PGBD1: variants seen among roughly 807,000 people sequenced by gnomAD.
The protein encoded by PGBD1 is piggyBac transposable element derived 1.
PGBD1 carries 25 observed loss-of-function variants against 34.7 expected under a neutral mutation model. The ratio of observed to expected loss-of-function variants is 0.72; its 90% confidence interval spans 0.52 to 1.00. The LOEUF (loss-of-function observed/expected upper bound fraction) is 1.00. PGBD1 is among the 50% of genes least tolerant of loss of function. The pLI, the probability that PGBD1 is intolerant of heterozygous loss-of-function variation, is 0.00. For synonymous variants in PGBD1, 292 were observed against 335.7 expected (o/e 0.87, Z 1.42); for missense variants, 830 against 959.4 (o/e 0.87, Z 1.78).
In PGBD1 at chr6:28,301,673, GTGA is replaced by G; in HGVS notation, c.1823_1825del (p.Met608del). Reference sequence around the variant, plus strand: ...TGATCTTGGGTTAGGTGGAAATCTAGTGATGAACTTCGCTGATGTTCTTTTAGA... The same window carrying G: ...TGATCTTGGGTTAGGTGGAAATCTAGTGAACTTCGCTGATGTTCTTTTAGA... On this transcript the variant is annotated inframe_deletion, in exon 7 of 7. Coordinates refer to ENST00000682144, the MANE Select transcript of PGBD1 (RefSeq NM_032507.4). 6.2e-7 allele frequency: 1 copy of G among 1,614,152 alleles called. No homozygotes were observed. Among genetic ancestry groups the G allele is most frequent in the East Asian group, 2.2e-5 (1 of 44,880 alleles).
In PGBD1 at chr6:28,302,150, A is replaced by G. The variant is rs1234762664; in HGVS notation, c.2296A>G (p.Met766Val). The part of the protein sequence containing the change: ...KKWYSILVSY[M>V]IDVAMNNAWQ... ...ATGGTACTCAATTTTGGTGAGCTAC[A>G]TGATTGATGTAGCCATGAACAATGC... is the stretch of plus-strand genomic sequence containing the variant. Residue 766 changes from methionine (M) to valine (V), a missense_variant, in exon 7 of 7, where the codon ATG (methionine) becomes GTG (valine). Around this residue, in one of 3 missense-constraint regions of PGBD1, gnomAD observed 372 missense variants for 427.9 expected, o/e 0.87. Coordinates refer to ENST00000682144, the MANE Select transcript of PGBD1 (RefSeq NM_032507.4). 6.2e-7 allele frequency: 1 copy of G among 1,614,206 alleles called. No individual in the cohort carries two copies. The highest frequency in any genetic ancestry group is 1.1e-5 in the South Asian group (1 of 91,090).
rs9461449 is a variant in PGBD1, at chr6:28,302,287, T to A, written c.*3T>A. 88,356 of 1,605,182 alleles carry A rather than the reference T, an allele frequency of 0.055. 3,389 individuals are homozygous for A. The highest frequency in any genetic ancestry group is 0.15 in the African/African-American group (10,890 of 74,646). On this transcript the variant is annotated 3_prime_UTR_variant, in exon 7 of 7. Coordinates refer to ENST00000682144, the MANE Select transcript of PGBD1 (RefSeq NM_032507.4). ...ACAATGCTCATCTGTCAGATTAGGGTACATAAAATGGACATAGTGCAGACA... is the reference window on the plus strand; with the variant it reads ...ACAATGCTCATCTGTCAGATTAGGGAACATAAAATGGACATAGTGCAGACA...
chr6:28,296,643 G>A (rs534819295), intron 4 of PGBD1, among the ~76,000 whole-genome samples, 173 bp from the exon 5 acceptor site: 3 of 152,274 alleles, frequency 2.0e-5, no homozygotes, highest in Non-Finnish European at 4.4e-5. Flanking sequence ...GAATGGCATC[G>A]GCTTGAGGTG....
chr6:28,295,705 A>G (rs1450773398), intron 4 of PGBD1, among the ~76,000 whole-genome samples: 1 of 152,266 alleles, frequency 6.6e-6, no homozygotes, highest in Admixed American at 6.5e-5. Flanking sequence ...TTAATAGACT[A>G]CATAGTATAG....
intron 2 of PGBD1, among the ~76,000 whole-genome samples, chr6:28,285,282 A>G (rs1239190737): frequency 6.6e-6 from 1 of 152,098 alleles, no homozygotes; most frequent in South Asian, 2.1e-4. Context: ...AATTTTCTCC[A>G]CTAGAAAGTT....
At chr6:28,282,200 G>A (rs183048917) in intron 1 of PGBD1, among the ~76,000 whole-genome samples, 167 of 152,320 alleles carry the variant, frequency 1.1e-3, no homozygotes, top group African/African-American at 3.8e-3. Context: ...GAAAAAAATT[G>A]AGTACTTAGC....
intron 6 of PGBD1, among the ~76,000 whole-genome samples, chr6:28,298,303 G>C (rs1384776147): frequency 6.6e-6 from 1 of 152,008 alleles, no homozygotes; most frequent in East Asian, 1.9e-4. Context: ...AAGCTAGAAG[G>C]CAGATAATTT....
At chr6:28,284,634 G>A (rs531573190) in intron 2 of PGBD1, among the ~76,000 whole-genome samples, 1 of 152,210 alleles carries the variant, frequency 6.6e-6, no homozygotes, top group South Asian at 2.1e-4. Flanking sequence ...CCCACCTCAG[G>A]CTCCTGAGTA....
At chr6:28,291,550 C>CAAAAAAAAAAAAAAAA (rs56160771) in intron 4 of PGBD1, among the ~76,000 whole-genome samples, 1 of 120,620 alleles carries the variant, frequency 8.3e-6, no homozygotes. Flanking sequence ...TCAAATTCTT[C>CAAAAAAAAAAAAAAAA]AAAAAAAAAA....
chr6:28,284,830 G>A (rs1309251205), intron 2 of PGBD1, among the ~76,000 whole-genome samples: 1 of 152,160 alleles, frequency 6.6e-6, no homozygotes, highest in Non-Finnish European at 1.5e-5. Context: ...TATTCGGTGT[G>A]TATTTCTGAA....
rs573444393 is a variant in PGBD1, at chr6:28,289,437, G to A, written c.642+2269G>A. On this transcript the variant is annotated intron_variant, in intron 4 of 6. Transcript: ENST00000682144. ...GACACATCTTACAAGAAATGCTAAA[G>A]AATTCTTCAGTCTAAAAGGAAAGAA... Among the ~76,000 whole-genome samples the A allele has an allele frequency of 3.9e-5, 6 of 152,322 alleles. No individual in the cohort carries two copies. The East Asian group carries it at 1.2e-3, about 29-fold the overall frequency.
At chr6:28,287,033 A>C in intron 3 of PGBD1, 47 bp from the exon 4 acceptor site, 12 of 1,459,058 alleles carry the variant, frequency 8.2e-6, no homozygotes, top group East Asian at 2.3e-5. Context: ...AGGGTACCCT[A>C]AAGGCCATCA....
rs964756082 is a variant in PGBD1 at position 28,281,615 on chromosome 6, C to T, written c.-342C>T. ...GAGGCGCCGGCAGCGCCCGCCAGAC[C>T]CGCCAGCCCAGCGGCCCGGGCTCTG... is the stretch of plus-strand genomic sequence containing the variant. On this transcript the variant is annotated 5_prime_UTR_variant, in exon 1 of 7. Coordinates refer to ENST00000682144, the MANE Select transcript of PGBD1 (RefSeq NM_032507.4). 1 of 382,814 alleles carries T rather than the reference C, an allele frequency of 2.6e-6. No individual in the cohort carries two copies. Among genetic ancestry groups the T allele is most frequent in the Non-Finnish European group, 4.6e-6 (1 of 216,698 alleles). 23.7% of individuals were successfully genotyped at this position (382,814 alleles called of 1,614,324 possible). A position where few individuals can be genotyped will look rare whatever the true frequency, so the allele number is the denominator to read the frequency against.
At chr6:28,298,177 A>T (rs72854513) in intron 6 of PGBD1, among the ~76,000 whole-genome samples, 186 bp downstream of exon 6, 7,637 of 152,232 alleles carry the variant, frequency 0.05, 310 homozygotes, top group Non-Finnish European at 0.087. Context: ...ATATGCAATA[A>T]ATATACAAAA....
rs1762140548 is a variant in PGBD1 at position 28,281,866 on chromosome 6, A to C, written c.-91A>C. The C allele has an allele frequency of 6.5e-6, 1 of 154,714 alleles. No homozygotes were observed. The highest frequency in any genetic ancestry group is 2.4e-5 in the African/African-American group (1 of 41,576). 9.6% of individuals were successfully genotyped at this position (154,714 alleles called of 1,614,324 possible). On this transcript the variant is annotated 5_prime_UTR_variant, in exon 1 of 7. Transcript: ENST00000682144. ...TGAGGGTGCTGGCTGCTGGCATCTC[A>C]GGTGCTTTACGTGCATTCGTGAAGA...
In PGBD1 at chr6:28,302,380, G is replaced by A; in HGVS notation, c.*96G>A. ...CCCTCCCAAAGTAAATCTGATATAT[G>A]TAATGAAGTTATTAAATAATACTTT... is the stretch of plus-strand genomic sequence containing the variant. On this transcript the variant is annotated 3_prime_UTR_variant, in exon 7 of 7. Transcript: ENST00000682144. 8.3e-7 allele frequency: 1 copy of A among 1,208,298 alleles called. No homozygotes were observed. Among genetic ancestry groups the A allele is most frequent in the Non-Finnish European group, 1.1e-6 (1 of 877,952 alleles). 74.8% of individuals were successfully genotyped at this position (1,208,298 alleles called of 1,614,324 possible). A position where few individuals can be genotyped will look rare whatever the true frequency, so the allele number is the denominator to read the frequency against.
intron 1 of PGBD1, 76 bp from the exon 2 acceptor site, chr6:28,283,700 A>G (rs576402143): frequency 1.5e-6 from 2 of 1,322,476 alleles, no homozygotes; most frequent in African/African-American, 2.9e-5. Context: ...AGTAGGTTAC[A>G]TACAGTTTTG....
At chr6:28,286,098 G>T (rs756090092) in intron 3 of PGBD1, among the ~76,000 whole-genome samples, 2 of 152,230 alleles carry the variant, frequency 1.3e-5, no homozygotes, top group African/African-American at 2.4e-5. Context: ...TGTATGTGTT[G>T]TGGACAAGTA....
intron 2 of PGBD1, 107 bp from the exon 3 acceptor site, chr6:28,285,444 T>C: frequency 8.1e-7 from 1 of 1,231,698 alleles, no homozygotes; most frequent in Non-Finnish European, 1.1e-6. Flanking sequence ...TTTGCCTGTC[T>C]TTTCTGCCTT....
Sources: gnomAD v4.1 joint callset for allele counts (sites outside exome capture counted in the v4.1 genomes callset) on GRCh38, gnomAD v4.1.1 for gene constraint, gnomAD v4.1.1 regional missense constraint, MANE v1.5 for transcripts, NCBI Gene and HGNC (gene_info 2026-07-23, HGNC 2026-07-21) for gene names.